The following CCDC93 variants were observed in gnomAD, a reference collection of about 807,000 sequenced individuals.
CCDC93 encodes the protein coiled-coil domain-containing protein 93.
CCDC93 carries 61 observed loss-of-function variants against 108.2 expected under a neutral mutation model. The ratio of observed to expected loss-of-function variants is 0.56; its 90% CI spans 0.46 to 0.70. The LOEUF is 0.70. Ranked by LOEUF, CCDC93 falls within the 30% of genes least tolerant of loss-of-function variation. The pLI is 0.00. For synonymous variants in CCDC93, 276 were observed against 260.4 expected, an observed-to-expected ratio of 1.06 and a Z score of -0.58; for missense variants, 685 against 764.2, an observed-to-expected ratio of 0.90 and a Z score of 1.22.
Position 117,952,361 on chromosome 2 carries a change from C to G in CCDC93, c.1068+12G>C, listed in dbSNP as rs752409533. On this transcript the variant is annotated intron_variant, in intron 13 of 23. Coordinates refer to ENST00000376300, the MANE Select transcript of CCDC93 (RefSeq NM_019044.5). Reference sequence around the variant, plus strand: ...CAAGGGCCCACAGAAGAAGGAGAATCTATCTGCTCACCTCTGTCAGCGTTT... The same window carrying G: ...CAAGGGCCCACAGAAGAAGGAGAATGTATCTGCTCACCTCTGTCAGCGTTT... 1.3e-6 allele frequency: 2 copies of G among 1,586,334 alleles called. No homozygotes were observed. The highest frequency in any genetic ancestry group is 1.1e-5 in the South Asian group (1 of 90,534).
intron 23 of CCDC93, among the ~76,000 whole-genome samples, chr2:117,928,497 A>C (rs1678205839): frequency 6.6e-6 from 1 of 152,244 alleles, no homozygotes; most frequent in Admixed American, 6.5e-5. Flanking sequence ...CAGCCAAAAG[A>C]CACATGAAAA....
At chr2:117,974,785 G>A in intron 10 of CCDC93, 65 bp downstream of exon 10, 3 of 1,262,232 alleles carry the variant, frequency 2.4e-6, no homozygotes, top group Non-Finnish European at 3.4e-6. Context: ...CTCTCTGGGA[G>A]AAGACCCCAG....
intron 20 of CCDC93, 41 bp downstream of exon 20, chr2:117,938,986 ACT>A: frequency 9.6e-7 from 1 of 1,046,424 alleles, no homozygotes; most frequent in South Asian, 1.3e-5. Flanking sequence ...AGTCAACTGC[ACT>A]GTTAGCTGCT....
chr2:117,957,824 G>A (rs1449931126), intron 12 of CCDC93, among the ~76,000 whole-genome samples: 1 of 152,134 alleles, frequency 6.6e-6, no homozygotes, highest in Non-Finnish European at 1.5e-5. Flanking sequence ...TCTGTGACCT[G>A]AGGCTAGGTC....
At chr2:117,987,245 C>T (rs1024725253) in intron 6 of CCDC93, among the ~76,000 whole-genome samples, 1 of 152,268 alleles carries the variant, frequency 6.6e-6, no homozygotes, top group East Asian at 1.9e-4. Flanking sequence ...ATACCATCAA[C>T]CTTACTTTAC....
chr2:117,947,308 T>C (rs1394176942), intron 15 of CCDC93, among the ~76,000 whole-genome samples: 1 of 152,168 alleles, frequency 6.6e-6, no homozygotes, highest in African/African-American at 2.4e-5. Flanking sequence ...ATCTAGCTTT[T>C]TGGTGGCTCC....
rs749488085 is a variant in CCDC93, at chr2:117,944,172, T to A, written c.1351-86A>T. ...TCTTTGAAAGTTGAATATGTTTTTA[T>A]CATATCTCCCCCATCCTAAGGCCTT... On this transcript the variant is annotated intron_variant, in intron 17 of 23. Transcript: ENST00000376300. 6.6e-5 allele frequency: 62 copies of A among 946,044 alleles called. 2 individuals are homozygous for A. Among genetic ancestry groups the A allele is most frequent in the South Asian group, 4.8e-4 (28 of 58,494 alleles). 58.6% of individuals were successfully genotyped at this position (946,044 alleles called of 1,614,324 possible).
chr2:118,014,001 G>A lies in CCDC93; in HGVS notation c.-6C>T, dbSNP rs764408005. On this transcript the variant is annotated 5_prime_UTR_variant, in exon 1 of 24. Coordinates refer to ENST00000376300, the MANE Select transcript of CCDC93 (RefSeq NM_019044.5). ...GGCCCCCTGGGCAACCCCATGATCCGACCGGGCTGTCGTAAGGCGAGAGCG... is the reference window on the plus strand; with the variant it reads ...GGCCCCCTGGGCAACCCCATGATCCAACCGGGCTGTCGTAAGGCGAGAGCG... 13 of 1,593,690 alleles carry A rather than the reference G, an allele frequency of 8.2e-6. No homozygotes were observed. In the East Asian group the frequency reaches 2.5e-4, roughly 31 times the overall value.
Position 117,916,467 on chromosome 2 carries a change from C to T in CCDC93, c.*3876G>A, listed in dbSNP as rs868463068. On this transcript the variant is annotated 3_prime_UTR_variant, in exon 24 of 24. Coordinates refer to ENST00000376300, the MANE Select transcript of CCDC93 (RefSeq NM_019044.5). ...ACCCTCTAAAGTTGTGAAAACTGTTCTCAAACTAAGCATCAAGTAGAGGAA... is the reference window on the plus strand; with the variant it reads ...ACCCTCTAAAGTTGTGAAAACTGTTTTCAAACTAAGCATCAAGTAGAGGAA... The T allele has an allele frequency of 8.5e-5, 13 of 152,288 alleles. 1 individual carries two copies. The highest frequency in any genetic ancestry group is 6.8e-3 in the Middle Eastern group (2 of 294). 9.4% of individuals were successfully genotyped at this position (152,288 alleles called of 1,614,324 possible). A position where few individuals can be genotyped will look rare whatever the true frequency, so the allele number is the denominator to read the frequency against.
chr2:117,963,224 T>C (rs552146650), intron 11 of CCDC93, among the ~76,000 whole-genome samples: 3 of 152,330 alleles, frequency 2.0e-5, no homozygotes, highest in Non-Finnish European at 2.9e-5. Flanking sequence ...GAACTGCATC[T>C]GTAAAGACTT....
At chr2:117,937,526 T>C (rs545314810) in intron 20 of CCDC93, among the ~76,000 whole-genome samples, 133 of 152,326 alleles carry the variant, frequency 8.7e-4, no homozygotes, top group African/African-American at 2.9e-3. Flanking sequence ...ACCAAATTTA[T>C]TCAAATGTAA....
chr2:117,980,708 A>T (rs1680090768), intron 7 of CCDC93, among the ~76,000 whole-genome samples: 1 of 152,250 alleles, frequency 6.6e-6, no homozygotes, highest in Non-Finnish European at 1.5e-5. Context: ...CATAATTCAT[A>T]TAATATAAAA....
intron 6 of CCDC93, among the ~76,000 whole-genome samples, chr2:117,993,731 TTTTG>T (rs1462735722): frequency 1.3e-5 from 2 of 152,116 alleles, no homozygotes; most frequent in Non-Finnish European, 2.9e-5. Flanking sequence ...TTTGTTGTGT[TTTTG>T]TTTTTGTTTT....
At chr2:117,953,738 A>AAAG (rs1158291935) in intron 12 of CCDC93, among the ~76,000 whole-genome samples, 1 of 151,564 alleles carries the variant, frequency 6.6e-6, no homozygotes, top group East Asian at 1.9e-4. Context: ...CAAAAAAAAA[A>AAAG]AAAAAAAATT....
intron 11 of CCDC93, among the ~76,000 whole-genome samples, chr2:117,969,245 G>A (rs1439693744): frequency 1.3e-5 from 2 of 152,244 alleles, no homozygotes; most frequent in African/African-American, 4.8e-5. Flanking sequence ...AGAGGCTCAT[G>A]TGACAAGGAA....
intron 4 of CCDC93, chr2:117,998,635 A>G (rs1680741779): frequency 6.6e-6 from 1 of 152,214 alleles, no homozygotes; most frequent in African/African-American, 2.4e-5. Context: ...CTCACAATGG[A>G]GAACATTCAG....
chr2:117,976,934 C>CTTTTT (rs34472456), intron 8 of CCDC93, among the ~76,000 whole-genome samples: 2 of 118,260 alleles, frequency 1.7e-5, no homozygotes, highest in Non-Finnish European at 3.5e-5. Flanking sequence ...AATAACCAAT[C>CTTTTT]TTTTTTTTTT....
At chr2:117,945,222 G>C (rs748077731) in intron 17 of CCDC93, among the ~76,000 whole-genome samples, 6 of 152,226 alleles carry the variant, frequency 3.9e-5, no homozygotes, top group African/African-American at 7.2e-5. Context: ...CCCGAGTGGT[G>C]ACCAGCATAT....
At chr2:117,948,041 C>T (rs914376567) in intron 15 of CCDC93, 64 bp downstream of exon 15, 32 of 1,311,730 alleles carry the variant, frequency 2.4e-5, no homozygotes, top group Admixed American at 3.4e-5. Flanking sequence ...AACAGGACAA[C>T]GGAGGTAAAC....
Sources: allele counts gnomAD v4.1 joint callset (sites outside exome capture counted in the v4.1 genomes callset), GRCh38; gene constraint gnomAD v4.1.1; transcripts MANE v1.5; gene names NCBI Gene and HGNC (gene_info 2026-07-23, HGNC 2026-07-21).